Variants in TSPEAR observed in about 807,000 individuals in gnomAD.
TSPEAR encodes the protein thrombospondin-type laminin G domain and EAR repeat-containing protein.
Under a neutral mutation model 71.6 loss-of-function variants are expected in TSPEAR, and 69 were observed. The observed-to-expected ratio is 0.96, with a 90% CI of 0.79 to 1.18. TSPEAR has a LOEUF of 1.18. TSPEAR is among the 50% of genes most tolerant of loss of function. The pLI is 0.00. For missense variants in TSPEAR, 971 were observed against 894.9 expected, an observed-to-expected ratio of 1.09 and a Z score of -1.09; for synonymous variants, 402 against 387.2, an observed-to-expected ratio of 1.04 and a Z score of -0.45.
chr21:44,688,598 T>C (rs1168648751), intron 1 of TSPEAR, among the ~76,000 whole-genome samples: 19 of 152,064 alleles, frequency 1.2e-4, no homozygotes, highest in African/African-American at 4.3e-4. Context: ...CGGGCGCCTG[T>C]AGTCCCAGCT....
At chr21:44,591,538 C>T in intron 1 of TSPEAR, 2 of 1,613,956 alleles carry the variant, frequency 1.2e-6, no homozygotes, top group South Asian at 1.1e-5. Context: ...GGGCACGCAG[C>T]AGGTGGACTT....
chr21:44,604,165 A>G (rs1322453661), intron 1 of TSPEAR, among the ~76,000 whole-genome samples: 1 of 152,162 alleles, frequency 6.6e-6, no homozygotes, highest in African/African-American at 2.4e-5. Flanking sequence ...CGTGCCAGAG[A>G]GTGGGTCCAC....
At chr21:44,697,065 ACGCT>A (rs1425442602) in intron 1 of TSPEAR, 166 of 1,282,218 alleles carry the variant, frequency 1.3e-4, no homozygotes, top group Middle Eastern at 2.5e-4. Context: ...CAGCACCCAG[ACGCT>A]CACTCACTCC....
intron 1 of TSPEAR, chr21:44,697,520 C>T (rs1555950852): frequency 6.2e-7 from 1 of 1,613,892 alleles, no homozygotes; most frequent in Admixed American, 1.7e-5. Context: ...CTGCTGCGTG[C>T]CCGTCTGCTG....
chr21:44,678,656 T>C (rs9647235), intron 1 of TSPEAR, among the ~76,000 whole-genome samples: 86,159 of 152,020 alleles, frequency 0.57, 24,743 homozygotes, highest in Middle Eastern at 0.71. Flanking sequence ...AAATAAAAGC[T>C]GTCCCAATTG....
At position 44,669,498 on chromosome 21, in the gene TSPEAR, A is replaced by G. The variant is rs587693478; in HGVS notation, c.82+41935T>C. Among the ~76,000 whole-genome samples, 5 of 152,222 alleles carry G rather than the reference A, an allele frequency of 3.3e-5. No individual in the cohort carries two copies. In the South Asian group the frequency reaches 1.0e-3, roughly 32 times the overall value. Reference sequence around the variant, plus strand: ...AAGCTACAAACACAGAGCCTCCTCCACCCCTCAGCATCAAGGGGGCAAGGG... The same window carrying G: ...AAGCTACAAACACAGAGCCTCCTCCGCCCCTCAGCATCAAGGGGGCAAGGG... On this transcript the variant is annotated intron_variant, in intron 1 of 11. Coordinates refer to ENST00000323084, the MANE Select transcript of TSPEAR (RefSeq NM_144991.3).
chr21:44,568,802 G>C (rs999385290), intron 1 of TSPEAR, among the ~76,000 whole-genome samples: 4 of 152,172 alleles, frequency 2.6e-5, no homozygotes, highest in Non-Finnish European at 5.9e-5. Flanking sequence ...GAATGAAGCA[G>C]GTGTTCCTGG....
chr21:44,702,268 A>T (rs548522701), intron 1 of TSPEAR: 320 of 1,607,232 alleles, frequency 2.0e-4, no homozygotes, highest in Non-Finnish European at 2.6e-4. Flanking sequence ...CTGCCCGGAG[A>T]GCTGCTGCGA....
At chr21:44,558,629 G>A (rs141273866) in intron 2 of TSPEAR, 1 of 1,612,760 alleles carries the variant, frequency 6.2e-7, no homozygotes. Flanking sequence ...CGCAGCAGGG[G>A]GGCTCACAGC....
rs1351233425 is a variant in TSPEAR, at chr21:44,506,244, C to T, written c.1755-1363G>A. On this transcript the variant is annotated intron_variant, in intron 10 of 11. Transcript: ENST00000323084. This position sits in a 1 kb window ranked among gnomAD's most constrained non-coding sequence, Gnocchi z 4.2. The stretch of plus-strand genomic sequence containing the variant: ...GGCTCGGTTTGAGGGGTCTGAGGAG[C>T]GGCTCCCCTGGATCCTTTCCTCCCC... Among the ~76,000 whole-genome samples, 1 of 152,228 alleles carries T rather than the reference C, an allele frequency of 6.6e-6. No homozygotes were observed.
At chr21:44,549,511 G>A (rs1053973988) in intron 2 of TSPEAR, among the ~76,000 whole-genome samples, 17 of 152,080 alleles carry the variant, frequency 1.1e-4, no homozygotes, top group Non-Finnish European at 1.6e-4. Context: ...AAATCAACCC[G>A]GACAAAAAAA....
intron 1 of TSPEAR, among the ~76,000 whole-genome samples, chr21:44,699,377 CAAA>C (rs55846070): frequency 3.2e-4 from 21 of 65,406 alleles, no homozygotes; most frequent in Non-Finnish European, 4.3e-4. Flanking sequence ...GACACTGTCT[CAAA>C]AAAAAAAAAA....
chr21:44,597,267 A>G (rs137961410), intron 1 of TSPEAR, among the ~76,000 whole-genome samples: 1 of 151,946 alleles, frequency 6.6e-6, no homozygotes, highest in Non-Finnish European at 1.5e-5. Context: ...TGGTAGGTTG[A>G]CTCTTTTAGC....
chr21:44,690,623 T>C (rs1987086501), intron 1 of TSPEAR: 1 of 984,258 alleles, frequency 1.0e-6, no homozygotes, highest in African/African-American at 1.7e-5. Context: ...ATAAACAGGT[T>C]AAACAGAAGA....
At position 44,546,870 on chromosome 21, in the gene TSPEAR, T is replaced by C. The variant is rs781908993; in HGVS notation, c.304-12947A>G. Among the ~76,000 whole-genome samples the C allele has an allele frequency of 6.6e-6, 1 of 152,238 alleles. No homozygotes were observed. The highest frequency in any genetic ancestry group is 1.5e-5 in the Non-Finnish European group (1 of 68,042). ...GTGATTCTCTTTGAGTTTATTCTAC[T>C]TGGGGTTCACTGAGTGGCTTGAATG... On this transcript the variant is annotated intron_variant, in intron 2 of 11. Coordinates refer to ENST00000323084, the MANE Select transcript of TSPEAR (RefSeq NM_144991.3). The surrounding 1 kb of genome is among the most constrained non-coding windows in gnomAD (Gnocchi z 4.4).
At chr21:44,618,494 CA>C (rs754061371) in intron 1 of TSPEAR, among the ~76,000 whole-genome samples, 3 of 152,204 alleles carry the variant, frequency 2.0e-5, no homozygotes, top group Non-Finnish European at 4.4e-5. Flanking sequence ...GGAAAATGGT[CA>C]AAGCTTTGCA....
At chr21:44,703,152 T>G (rs1987740003) in intron 1 of TSPEAR, among the ~76,000 whole-genome samples, 1 of 152,230 alleles carries the variant, frequency 6.6e-6, no homozygotes. Context: ...TCCCTGCCTC[T>G]GCGTGCTCCT....
intron 2 of TSPEAR, among the ~76,000 whole-genome samples, chr21:44,560,906 C>T (rs1346673012): frequency 2.6e-5 from 4 of 152,180 alleles, no homozygotes; most frequent in Non-Finnish European, 5.9e-5. Flanking sequence ...TACACCCTAA[C>T]ATCACAATTA....
chr21:44,652,405 C>G lies in TSPEAR; in HGVS notation c.82+59028G>C, dbSNP rs587729331. Among the ~76,000 whole-genome samples the G allele has an allele frequency of 6.6e-5, 10 of 152,350 alleles. No homozygotes were observed. In the South Asian group the frequency reaches 2.1e-3, roughly 32 times the overall value. On this transcript the variant is annotated intron_variant, in intron 1 of 11. Coordinates refer to ENST00000323084, the MANE Select transcript of TSPEAR (RefSeq NM_144991.3). ...GGGACCCAGCACCCCGGTACCAGCACAGGCCACTTGAGCCCCCACGGCTCC... is the reference window on the plus strand; with the variant it reads ...GGGACCCAGCACCCCGGTACCAGCAGAGGCCACTTGAGCCCCCACGGCTCC...
Sources: gnomAD v4.1 joint callset for allele counts (sites outside exome capture counted in the v4.1 genomes callset) on GRCh38, gnomAD v4.1.1 for gene constraint, Gnocchi (gnomAD v3.1) non-coding constraint, MANE v1.5 for transcripts, NCBI Gene and HGNC (gene_info 2026-07-23, HGNC 2026-07-21) for gene names.